The following RYR2 variants were observed in gnomAD, a reference collection of about 807,000 sequenced individuals.
RYR2 encodes the protein ryanodine receptor 2.
RYR2 carries 227 observed loss-of-function variants against 601.1 expected under a neutral mutation model. The observed-to-expected ratio is 0.38, with a 90% CI of 0.34 to 0.42. The LOEUF (loss-of-function observed/expected upper bound fraction) is 0.42, where lower values mean the gene tolerates loss of function less well. RYR2 is among the 10% of genes least tolerant of loss of function. The pLI, the probability that RYR2 is intolerant of heterozygous loss-of-function variation, is 1.00. For synonymous variants in RYR2, 2,223 were observed against 2,175.1 expected, an observed-to-expected ratio of 1.02 and a Z score of -0.61; for missense variants, 4,646 against 6,156.5, an observed-to-expected ratio of 0.75 and a Z score of 8.21.
chr1:237,751,122 C>T (rs907753576), intron 80 of RYR2, among the ~76,000 whole-genome samples: 7 of 152,196 alleles, frequency 4.6e-5, no homozygotes, highest in Non-Finnish European at 7.4e-5. Flanking sequence ...CTCTGGCGCC[C>T]TCATGACCTA....
intron 84 of RYR2, among the ~76,000 whole-genome samples, chr1:237,768,628 TA>T (rs1694030594): frequency 6.6e-6 from 1 of 152,220 alleles, no homozygotes. Context: ...TTATTGATCT[TA>T]GTTTCCATCT....
intron 10 of RYR2, among the ~76,000 whole-genome samples, chr1:237,412,462 T>C (rs1309073145): frequency 1.3e-5 from 2 of 152,188 alleles, no homozygotes. Flanking sequence ...TTATTATATG[T>C]GCATATTTTT....
Position 237,698,984 on chromosome 1 carries a change from T to G in RYR2, c.9087T>G (p.Ile3029Met). 6.4e-7 allele frequency: 1 copy of G among 1,556,830 alleles called. No homozygotes were observed. The highest frequency in any genetic ancestry group is 8.7e-7 in the Non-Finnish European group (1 of 1,146,182). ...CTTTAGGCAATGATGCAACATCAAT[T>G]GTCAACTGTCTTCATATTTTGGGTC... ...ISLFGNDATS[I>M]VNCLHILGQT... Residue 3029 changes from isoleucine (I) to methionine (M), a missense_variant, in exon 64 of 105, where the codon ATT (isoleucine) becomes ATG (methionine). Ile to Met is a conservative substitution (Grantham distance 10, BLOSUM62 1). Coordinates refer to ENST00000366574, the MANE Select transcript of RYR2 (RefSeq NM_001035.3).
At chr1:237,502,977 A>C (rs1322094233) in intron 21 of RYR2, among the ~76,000 whole-genome samples, 1 of 152,172 alleles carries the variant, frequency 6.6e-6, no homozygotes, top group East Asian at 1.9e-4. Context: ...GTTATTACGG[A>C]CATGCACTTC....
At chr1:237,572,404 C>T (rs1040358787) in intron 29 of RYR2, among the ~76,000 whole-genome samples, 11 of 152,230 alleles carry the variant, frequency 7.2e-5, no homozygotes, top group African/African-American at 1.9e-4. Flanking sequence ...AATGCTCATC[C>T]GTACTATTTA....
chr1:237,710,915 A>G (rs1003623687), intron 70 of RYR2, among the ~76,000 whole-genome samples: 1 of 152,148 alleles, frequency 6.6e-6, no homozygotes, highest in Non-Finnish European at 1.5e-5. Flanking sequence ...ACAAAGATGA[A>G]TTTTTGCTTT....
At chr1:237,194,865 G>A (rs1340231778) in intron 1 of RYR2, among the ~76,000 whole-genome samples, 1 of 152,132 alleles carries the variant, frequency 6.6e-6, no homozygotes, top group Non-Finnish European at 1.5e-5. Context: ...ATAGTGGGAG[G>A]AAACCTGGGC....
intron 38 of RYR2, among the ~76,000 whole-genome samples, chr1:237,619,208 A>T (rs977540634): frequency 2.0e-5 from 3 of 152,222 alleles, no homozygotes; most frequent in African/African-American, 7.2e-5. Context: ...ATCAATAAGC[A>T]CCAACACTGA....
At chr1:237,769,147 G>GAA (rs199946164) in intron 84 of RYR2, among the ~76,000 whole-genome samples, 1 of 149,748 alleles carries the variant, frequency 6.7e-6, no homozygotes, top group Non-Finnish European at 1.5e-5. Flanking sequence ...TTTGTTTTTT[G>GAA]AAAAAAAAAT....
chr1:237,589,489 C>T (rs1442104432), intron 29 of RYR2, among the ~76,000 whole-genome samples: 2 of 152,138 alleles, frequency 1.3e-5, no homozygotes, highest in Non-Finnish European at 2.9e-5. Flanking sequence ...GCGGGGATCT[C>T]TAGAATCCCC....
At chr1:237,811,190 G>A (rs1661215441) in intron 100 of RYR2, among the ~76,000 whole-genome samples, 1 of 152,108 alleles carries the variant, frequency 6.6e-6, no homozygotes, top group African/African-American at 2.4e-5. Flanking sequence ...ACTACATGCA[G>A]TGACTGTTCC....
chr1:237,775,791 G>C (rs936797687), intron 87 of RYR2, among the ~76,000 whole-genome samples: 2 of 152,140 alleles, frequency 1.3e-5, no homozygotes, highest in African/African-American at 2.4e-5. Context: ...AGTTAGCAAG[G>C]GTTTTCCATG....
In RYR2 at chr1:237,784,769, C is replaced by T. The variant is rs794728794; in HGVS notation, c.13057C>T (p.Pro4353Ser). The T allele has an allele frequency of 1.0e-5, 16 of 1,605,066 alleles. No homozygotes were observed. Among genetic ancestry groups the T allele is most frequent in the Non-Finnish European group, 1.4e-5 (16 of 1,174,748 alleles). Reference protein sequence around the residue: ...RGDGEEGERKPLEAALPSEDL... With the variant: ...RGDGEEGERKSLEAALPSEDL... ...AGATGGGGAGGAGGGAGAGAGGAAA[C>T]CCCTGGAAGCCGCCCTGCCCTCCGA... The change falls in exon 90 of 105, where the codon CCC becomes TCC. Residue 4353 changes from proline (P) to serine (S), a missense_variant. By Grantham distance (74) the Pro-to-Ser change is moderately conservative. This residue lies in a region of RYR2 where 364 missense variants were observed against 442.9 expected (regional missense o/e 0.82). Transcript: ENST00000366574. This position sits in a 1 kb window ranked among gnomAD's most constrained non-coding sequence, Gnocchi z 7.1.
chr1:237,479,916 G>A (rs1661845072), intron 17 of RYR2, among the ~76,000 whole-genome samples: 1 of 152,090 alleles, frequency 6.6e-6, no homozygotes, highest in African/African-American at 2.4e-5. Flanking sequence ...ACCTTTTCAA[G>A]GTAAAAGGAA....
At chr1:237,565,800 G>C (rs1365205754) in intron 27 of RYR2, among the ~76,000 whole-genome samples, 1 of 152,062 alleles carries the variant, frequency 6.6e-6, no homozygotes, top group East Asian at 1.9e-4. Flanking sequence ...TCTCATCGTC[G>C]TTCTGGCTCT....
rs1205016308 is a variant in RYR2 at position 237,787,987 on chromosome 1, G to T, written c.13329-1G>T. ...TATGTTTTGTTTGTTTGTTTTCATA[G>T]GGGAGAAGATGGAGAAAAAGAAGAG... On this transcript the variant is annotated splice_acceptor_variant, in intron 91 of 104. Transcript: ENST00000366574. LOFTEE classifies it high-confidence loss of function. 6.3e-7 allele frequency: 1 copy of T among 1,585,270 alleles called. No homozygotes were observed.
At chr1:237,195,542 C>T (rs1680462961) in intron 1 of RYR2, among the ~76,000 whole-genome samples, 1 of 152,198 alleles carries the variant, frequency 6.6e-6, no homozygotes, top group African/African-American at 2.4e-5. Context: ...TGTGAGCCAC[C>T]ACGCCTGAGC....
chr1:237,511,367 C>T (rs545088621), intron 23 of RYR2, among the ~76,000 whole-genome samples: 1 of 149,594 alleles, frequency 6.7e-6, no homozygotes, highest in Admixed American at 6.7e-5. Context: ...GCAGGGTAAA[C>T]CTCACTGAGA....
chr1:237,064,772 T>A (rs1663344092), intron 1 of RYR2, among the ~76,000 whole-genome samples: 1 of 92,806 alleles, frequency 1.1e-5, no homozygotes, highest in Non-Finnish European at 2.2e-5. Context: ...TTTTTTTTTT[T>A]TTTTTTTTTT....
Sources: allele counts gnomAD v4.1 joint callset (sites outside exome capture counted in the v4.1 genomes callset), GRCh38; gene constraint gnomAD v4.1.1; regional missense constraint gnomAD v4.1.1; non-coding constraint Gnocchi (gnomAD v3.1); transcripts MANE v1.5; gene names NCBI Gene and HGNC (gene_info 2026-07-23, HGNC 2026-07-21).